TNKS: variants seen among roughly 807,000 people sequenced by gnomAD.
TNKS encodes tankyrase, also known as poly [ADP-ribose] polymerase tankyrase-1.
Under a neutral mutation model 135.8 loss-of-function variants are expected in TNKS, and 72 were observed. That is an observed-to-expected ratio of 0.53 (90% CI 0.44 to 0.64). TNKS has a LOEUF of 0.64. Ranked by LOEUF, TNKS falls within the 30% of genes least tolerant of loss-of-function variation. The pLI is 0.00. For missense variants in TNKS, 1,769 were observed against 1,674.0 expected (o/e 1.06, Z -0.99); for synonymous variants, 849 against 649.3 (o/e 1.31, Z -4.68).
At chr8:9,767,239 CTTG>C (rs1233429478) in intron 25 of TNKS, among the ~76,000 whole-genome samples, 2 of 152,054 alleles carry the variant, frequency 1.3e-5, no homozygotes, top group African/African-American at 4.8e-5. Flanking sequence ...GAATATTGGC[CTTG>C]TTAATAGACT....
chr8:9,778,560 G>C lies in TNKS; in HGVS notation c.*1824G>C, dbSNP rs1046207142. The C allele has an allele frequency of 6.6e-6, 1 of 152,630 alleles. No homozygotes were observed. The highest frequency in any genetic ancestry group is 2.4e-5 in the African/African-American group (1 of 41,456). The allele number at this position is 152,630 out of a possible 1,614,324, so 9.5% of individuals were successfully genotyped here. On this transcript the variant is annotated 3_prime_UTR_variant, in exon 27 of 27. Transcript: ENST00000310430. ...AAAATTAAATCGAGAATTAGCCTCA[G>C]TTGTTGCTTCTTTTGAAGTTTCAGT...
chr8:9,659,772 G>C (rs1010311157), intron 3 of TNKS, among the ~76,000 whole-genome samples: 1 of 151,896 alleles, frequency 6.6e-6, no homozygotes, highest in South Asian at 2.1e-4. Flanking sequence ...ACAAAAAACC[G>C]TTCAAAAAAA....
chr8:9,646,330 T>C (rs760894409), intron 3 of TNKS, among the ~76,000 whole-genome samples: 3 of 152,188 alleles, frequency 2.0e-5, no homozygotes, highest in Non-Finnish European at 4.4e-5. Flanking sequence ...ACCTGCAATA[T>C]ATTAAATATA....
At chr8:9,733,224 T>A in intron 14 of TNKS, 55 bp from the exon 15 acceptor site, 2 of 1,482,694 alleles carry the variant, frequency 1.3e-6, no homozygotes, top group Non-Finnish European at 1.8e-6. Context: ...ATTATAAGAA[T>A]CATTGTAACT....
intron 3 of TNKS, among the ~76,000 whole-genome samples, chr8:9,633,909 G>A (rs756374023): frequency 1.2e-4 from 18 of 152,200 alleles, no homozygotes; most frequent in Non-Finnish European, 2.2e-4. Context: ...CAACCTTGTT[G>A]GAAATGCTGA....
chr8:9,653,973 C>T (rs1332435845), intron 3 of TNKS, among the ~76,000 whole-genome samples: 1 of 152,100 alleles, frequency 6.6e-6, no homozygotes, highest in Non-Finnish European at 1.5e-5. Flanking sequence ...TCCTTAGGCT[C>T]TTCATGGTTT....
rs182094510 is a variant in TNKS at position 9,577,400 on chromosome 8, A to C, written c.674-2759A>C. The stretch of plus-strand genomic sequence containing the variant: ...TATAAAGAACTACCTGAGCCTGGGT[A>C]ATTTATAAAGAAAAGAGATTTAACT... On this transcript the variant is annotated intron_variant, in intron 1 of 26. Transcript: ENST00000310430. 3.7e-4 allele frequency among the ~76,000 whole-genome samples: 57 copies of C among 152,254 alleles called. No individual in the cohort carries two copies. In the East Asian group the frequency reaches 0.011, roughly 29 times the overall value.
intron 3 of TNKS, among the ~76,000 whole-genome samples, chr8:9,618,550 T>G (rs1799738725): frequency 6.6e-6 from 1 of 152,218 alleles, no homozygotes; most frequent in Non-Finnish European, 1.5e-5. Context: ...CTGAAGGACT[T>G]GGAGGTATTT....
At chr8:9,603,388 C>G (rs949867328) in intron 2 of TNKS, among the ~76,000 whole-genome samples, 12 of 152,162 alleles carry the variant, frequency 7.9e-5, no homozygotes, top group Admixed American at 7.2e-4. Context: ...ACTAAAAATT[C>G]AGATTATCAG....
intron 15 of TNKS, 51 bp downstream of exon 15, chr8:9,733,495 G>T (rs751941461): frequency 6.0e-6 from 9 of 1,501,064 alleles, no homozygotes; most frequent in Admixed American, 3.7e-5. Context: ...TTATATTTTG[G>T]TTATTACTTG....
intron 1 of TNKS, among the ~76,000 whole-genome samples, chr8:9,576,709 A>G (rs991451347): frequency 2.0e-5 from 3 of 152,040 alleles, no homozygotes; most frequent in African/African-American, 7.2e-5. Flanking sequence ...GGGGATTCCA[A>G]TTCAACATGA....
chr8:9,646,975 G>T (rs778855103), intron 3 of TNKS, among the ~76,000 whole-genome samples: 1 of 152,084 alleles, frequency 6.6e-6, no homozygotes, highest in African/African-American at 2.4e-5. Context: ...GTAGATGATG[G>T]CAGAGAGGTA....
intron 2 of TNKS, among the ~76,000 whole-genome samples, chr8:9,598,889 T>TGA (rs1798911890): frequency 6.9e-6 from 1 of 145,846 alleles, no homozygotes; most frequent in Non-Finnish European, 1.5e-5. Flanking sequence ...CGTGAGGCCT[T>TGA]GAGAGAGAGG....
chr8:9,596,940 T>G (rs1798811649), intron 2 of TNKS, among the ~76,000 whole-genome samples: 1 of 152,242 alleles, frequency 6.6e-6, no homozygotes, highest in Non-Finnish European at 1.5e-5. Context: ...ACAGGGGAAC[T>G]GTGATGGGCT....
intron 3 of TNKS, among the ~76,000 whole-genome samples, chr8:9,621,174 A>T (rs998510187): frequency 2.6e-5 from 4 of 152,162 alleles, no homozygotes; most frequent in African/African-American, 9.7e-5. Flanking sequence ...AAGATGGATG[A>T]GGTTTACTGA....
chr8:9,745,132 T>A (rs1054484670), intron 17 of TNKS, among the ~76,000 whole-genome samples: 1 of 152,196 alleles, frequency 6.6e-6, no homozygotes, highest in Admixed American at 6.5e-5. Context: ...TGCTTTTGGG[T>A]TAACTTAACA....
At chr8:9,736,071 C>T (rs1805686303) in intron 17 of TNKS, among the ~76,000 whole-genome samples, 1 of 76,210 alleles carries the variant, frequency 1.3e-5, no homozygotes, top group African/African-American at 3.8e-5. Flanking sequence ...TTATATTTAT[C>T]AATATTGTAA....
rs1200901749 is a variant in TNKS at position 9,770,154 on chromosome 8, T to C, written c.3789T>C (p.Phe1263=). The C allele has an allele frequency of 1.2e-6, 2 of 1,613,442 alleles. No individual in the cohort carries two copies. The highest frequency in any genetic ancestry group is 2.2e-5 in the East Asian group (1 of 44,884). ...CCCTTGGGAAATCCTTTCTGCAGTTTAGCACCATGAAAATGGCCCACGCGC... is the reference window on the plus strand; with the variant it reads ...CCCTTGGGAAATCCTTTCTGCAGTTCAGCACCATGAAAATGGCCCACGCGC... ...RVTLGKSFLQ[F]STMKMAHAPP... is the part of the protein sequence containing the mutation. The change falls in exon 26 of 27, where the codon TTT becomes TTC. Residue 1263 remains phenylalanine, a synonymous_variant. Transcript: ENST00000310430.
At chr8:9,766,497 T>A (rs1354946590) in intron 25 of TNKS, 72 bp downstream of exon 25, 2 of 1,383,856 alleles carry the variant, frequency 1.4e-6, no homozygotes, top group Non-Finnish European at 1.9e-6. Context: ...TTTTTTTTTT[T>A]TTTTTTGAGA....
Sources: allele counts gnomAD v4.1 joint callset (sites outside exome capture counted in the v4.1 genomes callset), GRCh38; gene constraint gnomAD v4.1.1; transcripts MANE v1.5; gene names NCBI Gene and HGNC (gene_info 2026-07-23, HGNC 2026-07-21).